Variants in MBNL3 observed in about 807,000 individuals in gnomAD.
MBNL3 encodes the protein muscleblind-like protein 3.
A neutral mutation model predicts 24.5 loss-of-function variants in MBNL3; 6 were observed. That is an observed-to-expected ratio of 0.25 (90% CI 0.13 to 0.48). The LOEUF (loss-of-function observed/expected upper bound fraction) is 0.48. Among genes scored for constraint, MBNL3 ranks in the 20% least tolerant of loss-of-function variants. The pLI, the probability that MBNL3 is intolerant of heterozygous loss-of-function variation, is 0.99. For synonymous variants in MBNL3, 100 were observed against 101.7 expected (o/e 0.98, Z 0.10); for missense variants, 230 against 293.5 (o/e 0.78, Z 1.58).
At chrX:132,390,268 A>C (rs564698157) in intron 5 of MBNL3, among the ~76,000 whole-genome samples, 181 of 51,036 alleles carry the variant, frequency 3.5e-3, no homozygotes, top group Non-Finnish European at 4.5e-3. Flanking sequence ...ACAACAACAA[A>C]AAAAAAAAAA....
intron 1 of MBNL3, among the ~76,000 whole-genome samples, chrX:132,475,431 G>T (rs1349692368): frequency 8.9e-6 from 1 of 112,104 alleles, no homozygotes; most frequent in African/African-American, 3.2e-5. Context: ...ATGATTGTGT[G>T]TTGGGGGGTG....
intron 2 of MBNL3, among the ~76,000 whole-genome samples, chrX:132,426,597 G>T (rs1252223325): frequency 9.0e-6 from 1 of 110,915 alleles, no homozygotes; most frequent in Non-Finnish European, 1.9e-5. Flanking sequence ...CTTTGCTCAG[G>T]TTATCCCCTC....
intron 2 of MBNL3, among the ~76,000 whole-genome samples, chrX:132,436,136 TG>T (rs1284953112): frequency 8.0e-5 from 9 of 112,034 alleles, no homozygotes; most frequent in African/African-American, 2.9e-4. Flanking sequence ...AGCGATACTT[TG>T]AAGAAAACTT....
At chrX:132,426,477 C>CT (rs1944313252) in intron 2 of MBNL3, among the ~76,000 whole-genome samples, 1 of 111,654 alleles carries the variant, frequency 9.0e-6, no homozygotes, top group Admixed American at 9.5e-5. Flanking sequence ...TTGCCAGTCT[C>CT]TTTTTTTCTG....
chrX:132,444,563 T>C (rs1323399180), intron 1 of MBNL3, among the ~76,000 whole-genome samples: 1 of 111,535 alleles, frequency 9.0e-6, no homozygotes, highest in Non-Finnish European at 1.9e-5. Context: ...ATAATAGGTA[T>C]GATGAAACTG....
chrX:132,383,687 G>T (rs1935438425), intron 7 of MBNL3, among the ~76,000 whole-genome samples: 1 of 112,068 alleles, frequency 8.9e-6, no homozygotes, highest in African/African-American at 3.2e-5. Flanking sequence ...CCAGGGTTCA[G>T]ATCTCGCTAT....
intron 8 of MBNL3, 50 bp from the exon 9 acceptor site, chrX:132,379,727 G>A (rs112302991): frequency 3.9e-6 from 4 of 1,030,838 alleles, no homozygotes; most frequent in African/African-American, 3.7e-5. Flanking sequence ...ATATTGAAAG[G>A]TTATTGAAGG....
chrX:132,417,903 T>C (rs1603230378), intron 2 of MBNL3, among the ~76,000 whole-genome samples: 1 of 112,128 alleles, frequency 8.9e-6, no homozygotes, highest in East Asian at 2.8e-4. Flanking sequence ...TGCTAATCTT[T>C]TACACTCATT....
intron 1 of MBNL3, among the ~76,000 whole-genome samples, chrX:132,450,059 G>A (rs1234558991): frequency 9.9e-6 from 1 of 100,769 alleles, no homozygotes; most frequent in African/African-American, 3.7e-5. Context: ...TTCCCTTTGC[G>A]GGTAACCCGA....
At chrX:132,474,972 T>C (rs1298765150) in intron 1 of MBNL3, among the ~76,000 whole-genome samples, 2 of 111,331 alleles carry the variant, frequency 1.8e-5, no homozygotes, top group Admixed American at 1.9e-4. Context: ...TATTTGTTGA[T>C]TGCTCCCTCC....
At position 132,371,601 on chromosome X, in the gene MBNL3, G is replaced by A. The variant is rs928021518; in HGVS notation, c.*8065C>T. The A allele has an allele frequency of 1.8e-5, 2 of 111,057 alleles. No individual in the cohort carries two copies. Among genetic ancestry groups the A allele is most frequent in the African/African-American group, 3.3e-5 (1 of 30,593 alleles). The allele number at this position is 111,057 out of a possible 1,213,427, so 9.2% of individuals were successfully genotyped here. ...ACACTGGTTTCATATGTTACACTAGGGATGCAGGATAGACATGAATAACTG... is the reference window on the plus strand; with the variant it reads ...ACACTGGTTTCATATGTTACACTAGAGATGCAGGATAGACATGAATAACTG... On this transcript the variant is annotated 3_prime_UTR_variant, in exon 9 of 9. Transcript: ENST00000370853.
rs186935526 is a variant in MBNL3 at position 132,376,781 on chromosome X, A to G, written c.*2885T>C. The G allele has an allele frequency of 1.8e-5, 2 of 111,856 alleles. No individual in the cohort carries two copies. The highest frequency in any genetic ancestry group is 1.9e-5 in the Non-Finnish European group (1 of 52,988). The allele number at this position is 111,856 out of a possible 1,213,427, so 9.2% of individuals were successfully genotyped here. The stretch of plus-strand genomic sequence containing the variant: ...AATTTGAATAAGTCATTGCACATCT[A>G]GTTTAAAGAGTGCTATCTTAAAATT... On this transcript the variant is annotated 3_prime_UTR_variant, in exon 9 of 9. Coordinates refer to ENST00000370853, the MANE Select transcript of MBNL3 (RefSeq NM_001386889.1).
intron 1 of MBNL3, among the ~76,000 whole-genome samples, chrX:132,442,073 G>A (rs767276936): frequency 6.3e-5 from 7 of 111,671 alleles, no homozygotes; most frequent in Non-Finnish European, 1.1e-4. Flanking sequence ...AGGTAGATTA[G>A]TGGTTGCCAG....
chrX:132,447,495 T>C (rs778328221), intron 1 of MBNL3, among the ~76,000 whole-genome samples: 2 of 111,568 alleles, frequency 1.8e-5, no homozygotes, highest in Non-Finnish European at 3.8e-5. Flanking sequence ...GATTCCTAGG[T>C]ATTTTATTCT....
intron 1 of MBNL3, among the ~76,000 whole-genome samples, chrX:132,443,984 TCCGCCCCCCCCCCCC>T (rs1401140216): frequency 1.6e-4 from 1 of 6,149 alleles, no homozygotes; most frequent in African/African-American, 6.1e-4. Context: ...GACTCCAGAG[TCCGCCCCCCCCCCCC>T]CCCCCCACCT....
chrX:132,419,310 C>T (rs1012043153), intron 2 of MBNL3, among the ~76,000 whole-genome samples: 48 of 111,320 alleles, frequency 4.3e-4, no homozygotes, highest in African/African-American at 1.5e-3. Flanking sequence ...GATTGAGAAC[C>T]GATAGAAGTA....
At chrX:132,463,969 G>A (rs1045097379) in intron 1 of MBNL3, among the ~76,000 whole-genome samples, 1 of 112,115 alleles carries the variant, frequency 8.9e-6, no homozygotes, top group Non-Finnish European at 1.9e-5. Flanking sequence ...GAATAATGTG[G>A]CATGAGATTA....
rs1434891762 is a variant in MBNL3 at position 132,375,691 on chromosome X, A to C, written c.*3975T>G. ...CTATTCATCAGAATTGGGAAATCAG[A>C]TTTCCCTCATAAATTTTGCCTATTT... On this transcript the variant is annotated 3_prime_UTR_variant, in exon 9 of 9. Coordinates refer to ENST00000370853, the MANE Select transcript of MBNL3 (RefSeq NM_001386889.1). The C allele has an allele frequency of 9.0e-6, 1 of 111,402 alleles. No homozygotes were observed. The highest frequency in any genetic ancestry group is 1.9e-5 in the Non-Finnish European group (1 of 52,857). The allele number at this position is 111,402 out of a possible 1,213,427, so 9.2% of individuals were successfully genotyped here.
At chrX:132,392,935 A>C (rs974407077) in intron 3 of MBNL3, among the ~76,000 whole-genome samples, 4 of 111,628 alleles carry the variant, frequency 3.6e-5, no homozygotes, top group African/African-American at 1.3e-4. Context: ...ACCTAAAATG[A>C]GTTTAGTATG....
Sources: allele counts gnomAD v4.1 joint callset (sites outside exome capture counted in the v4.1 genomes callset), GRCh38; gene constraint gnomAD v4.1.1; transcripts MANE v1.5; gene names NCBI Gene and HGNC (gene_info 2026-07-23, HGNC 2026-07-21).